The following SPG11 variants were observed in gnomAD, a reference collection of about 807,000 sequenced individuals.
SPG11 encodes the protein spatacsin.
SPG11 carries 222 observed loss-of-function variants against 274.0 expected under a neutral mutation model. That is an observed-to-expected ratio of 0.81 (90% CI 0.73 to 0.91). The LOEUF is 0.91. Ranked by LOEUF, SPG11 falls within the 40% of genes least tolerant of loss-of-function variation. SPG11 has a pLI of 0.00. For missense variants in SPG11, 3,114 were observed against 2,872.7 expected (o/e 1.08, Z -1.92); for synonymous variants, 1,144 against 1,039.7 (o/e 1.10, Z -1.93).
chr15:44,648,888 G>A lies in SPG11; in HGVS notation c.1580C>T (p.Ser527Leu), dbSNP rs1440947266. ...LCHLNGWGRC[S>L]IPIHALEAGI... Reference sequence around the variant, plus strand: ...TACCTCTAGTGCATGTATGGGAATTGAGCACCTTCCCCAGCCATTGAGATG... The same window carrying A: ...TACCTCTAGTGCATGTATGGGAATTAAGCACCTTCCCCAGCCATTGAGATG... The change falls in exon 7 of 40, where the codon TCA becomes TTA. Residue 527 changes from serine to leucine, a missense_variant. Transcript: ENST00000261866. 6.2e-7 allele frequency: 1 copy of A among 1,614,082 alleles called. No homozygotes were observed.
At chr15:44,591,366 T>G (rs76194678) in intron 27 of SPG11, among the ~76,000 whole-genome samples, 1,775 of 152,336 alleles carry the variant, frequency 0.012, 29 homozygotes, top group East Asian at 0.038. Flanking sequence ...ATTTCTCTTC[T>G]TGATTCTTTA....
intron 33 of SPG11, among the ~76,000 whole-genome samples, chr15:44,571,956 T>G (rs1185241405): frequency 6.6e-6 from 1 of 152,232 alleles, no homozygotes; most frequent in Non-Finnish European, 1.5e-5. Flanking sequence ...CATGCCCCGC[T>G]AAGTTTTTAA....
chr15:44,578,530 T>C (rs2082593525), intron 30 of SPG11, among the ~76,000 whole-genome samples: 2 of 152,104 alleles, frequency 1.3e-5, no homozygotes, highest in South Asian at 4.1e-4. Flanking sequence ...AAAAACTAGC[T>C]GGGAGAGCCC....
At position 44,659,112 on chromosome 15, in the gene SPG11, T is replaced by C. The variant is rs758638438; in HGVS notation, c.634A>G (p.Ile212Val). ...MIIDTQLCRG[I>V]LFVLSSLGWI... is the part of the protein sequence containing the mutation. ...CCTAAACTACTCAAAACAAAAAGAATTCCTCTGCAGAGCTGCGTGTCAATA... is the reference window on the plus strand; with the variant it reads ...CCTAAACTACTCAAAACAAAAAGAACTCCTCTGCAGAGCTGCGTGTCAATA... The change falls in exon 3 of 40, where the codon ATT (isoleucine) becomes GTT (valine). Residue 212 changes from isoleucine (I) to valine (V), a missense_variant. Ile to Val is a conservative substitution (Grantham distance 29). Transcript: ENST00000261866. 6.1e-5 allele frequency: 99 copies of C among 1,614,076 alleles called. No homozygotes were observed. Among genetic ancestry groups the C allele is most frequent in the Admixed American group, 1.0e-4 (6 of 60,010 alleles).
rs997258691 is a variant in SPG11 at position 44,562,805 on chromosome 15, C to T, written c.*316G>A. On this transcript the variant is annotated 3_prime_UTR_variant, in exon 40 of 40. Transcript: ENST00000261866. Reference sequence around the variant, plus strand: ...AATTAAATTTCTTTGAAACTGGAATCTGCAGGTACAGGTATTCTTTAATCA... The same window carrying T: ...AATTAAATTTCTTTGAAACTGGAATTTGCAGGTACAGGTATTCTTTAATCA... 3.8e-6 allele frequency: 1 copy of T among 265,778 alleles called. No homozygotes were observed. The highest frequency in any genetic ancestry group is 7.3e-6 in the Non-Finnish European group (1 of 137,898). 16.5% of individuals were successfully genotyped at this position (265,778 alleles called of 1,614,324 possible).
intron 17 of SPG11, 82 bp from the exon 18 acceptor site, chr15:44,611,067 A>G: frequency 1.7e-6 from 2 of 1,179,426 alleles, no homozygotes; most frequent in Non-Finnish European, 2.4e-6. Context: ...GAACAATAAC[A>G]TAAATTTTTA....
chr15:44,567,668 G>A (rs1339430987), intron 35 of SPG11, 76 bp from the exon 36 acceptor site: 1 of 1,494,598 alleles, frequency 6.7e-7, no homozygotes, highest in Non-Finnish European at 9.3e-7. Flanking sequence ...GAGTCACCTT[G>A]TTCTGCATTC....
At position 44,663,599 on chromosome 15, in the gene SPG11, A is replaced by G. The variant is rs2085190647; in HGVS notation, c.49T>C (p.Trp17Arg). 2 of 1,596,572 alleles carry G rather than the reference A, an allele frequency of 1.3e-6. No homozygotes were observed. The highest frequency in any genetic ancestry group is 1.7e-6 in the Non-Finnish European group (2 of 1,175,082). The part of the protein sequence containing the change: ...VASAASAGGS[W>R]GTAAMGRVLP... ...ACCCGCCCCATGGCCGCGGTGCCCC[A>G]GCTACCGCCGGCGGAAGCAGCACTC... The change falls in exon 1 of 40, where the codon TGG becomes CGG. Residue 17 changes from tryptophan to arginine, a missense_variant. Trp to Arg is a moderately radical substitution (Grantham distance 101, BLOSUM62 -3). Transcript: ENST00000261866.
intron 19 of SPG11, among the ~76,000 whole-genome samples, chr15:44,606,784 G>C (rs1417760140): frequency 6.6e-6 from 1 of 152,010 alleles, no homozygotes; most frequent in Non-Finnish European, 1.5e-5. Context: ...TATTAAAGAA[G>C]GAATACTTTT....
chr15:44,629,878 C>T (rs1249371435), intron 8 of SPG11, among the ~76,000 whole-genome samples: 3 of 152,036 alleles, frequency 2.0e-5, no homozygotes, highest in Non-Finnish European at 4.4e-5. Flanking sequence ...CGAGACCAGC[C>T]TGGCCAACAT....
chr15:44,649,103 T>C lies in SPG11; in HGVS notation c.1457-92A>G. 11 of 893,022 alleles carry C rather than the reference T, an allele frequency of 1.2e-5. No individual in the cohort carries two copies. The South Asian group carries it at 1.5e-4, about 12-fold the overall frequency. The allele number at this position is 893,022 out of a possible 1,614,324, so 55.3% of individuals were successfully genotyped here. On this transcript the variant is annotated intron_variant, in intron 6 of 39. Transcript: ENST00000261866. ...GATTTTTAATTACTCAATACTTCAG[T>C]ACTATAATTACAAATATATTTATAT...
intron 36 of SPG11, 118 bp downstream of exon 36, chr15:44,567,306 G>A (rs957050734): frequency 1.6e-5 from 17 of 1,091,302 alleles, no homozygotes; most frequent in African/African-American, 4.8e-5. Flanking sequence ...AGCTGAGATC[G>A]TGCCACTGCA....
chr15:44,564,632 T>C lies in SPG11; in HGVS notation c.7066A>G (p.Ile2356Val). 1 of 1,614,022 alleles carries C rather than the reference T, an allele frequency of 6.2e-7. No individual in the cohort carries two copies. The highest frequency in any genetic ancestry group is 1.1e-5 in the South Asian group (1 of 91,086). The change falls in exon 39 of 40, where the codon ATT becomes GTT. Residue 2356 changes from isoleucine (I) to valine (V), a missense_variant. By Grantham distance (29) the Ile-to-Val change is conservative. Transcript: ENST00000261866. ...AAGTAATTAAAGTCTCCTTTAAGAA[T>C]CACTTGCTGGTATAAAATTTCAGCC... is the stretch of plus-strand genomic sequence containing the variant. The part of the protein sequence containing the change: ...DWAEILYQQV[I>V]LKGDFNYLEE...
intron 10 of SPG11, among the ~76,000 whole-genome samples, chr15:44,626,719 C>T (rs1378445973): frequency 6.6e-6 from 1 of 152,046 alleles, no homozygotes; most frequent in African/African-American, 2.4e-5. Flanking sequence ...GATTATAGTA[C>T]TGTATGATAA....
At chr15:44,613,621 A>AT in intron 16 of SPG11, 85 bp from the exon 17 acceptor site, 1 of 817,302 alleles carries the variant, frequency 1.2e-6, no homozygotes, top group Non-Finnish European at 2.0e-6. Flanking sequence ...GATGATTAGC[A>AT]TTTAAAAAAA....
Position 44,566,234 on chromosome 15 carries a change from C to A in SPG11, c.6826G>T (p.Ala2276Ser), listed in dbSNP as rs754116626. The A allele has an allele frequency of 1.2e-6, 2 of 1,614,174 alleles. No individual in the cohort carries two copies. Among genetic ancestry groups the A allele is most frequent in the Non-Finnish European group, 1.7e-6 (2 of 1,180,004 alleles). The stretch of plus-strand genomic sequence containing the variant: ...TGGGTTACCTTGGCATAACTCTCTG[C>A]TGCATCCAACATCAGAGTCAGGGCC... ...LKALTLMLDA[A>S]ESYAKDSCVR... Residue 2276 changes from alanine (A) to serine (S), a missense_variant, in exon 37 of 40, where the codon GCA becomes TCA. Coordinates refer to ENST00000261866, the MANE Select transcript of SPG11 (RefSeq NM_025137.4).
At position 44,635,927 on chromosome 15, in the gene SPG11, A is replaced by G. The variant is rs974286641; in HGVS notation, c.1603-2290T>C. Among the ~76,000 whole-genome samples the G allele has an allele frequency of 3.9e-5, 6 of 151,960 alleles. 1 individual carries two copies. The highest frequency in any genetic ancestry group is 4.1e-4 in the South Asian group (2 of 4,824). Reference sequence around the variant, plus strand: ...GTGAGACTCCACCTATAAAAAAAAAAAAAGAAAGAAAAATTTGCCACCCTT... The same window carrying G: ...GTGAGACTCCACCTATAAAAAAAAAGAAAGAAAGAAAAATTTGCCACCCTT... On this transcript the variant is annotated intron_variant, in intron 7 of 39. Coordinates refer to ENST00000261866, the MANE Select transcript of SPG11 (RefSeq NM_025137.4).
At chr15:44,598,585 G>A (rs373605179) in intron 22 of SPG11, 46 bp downstream of exon 22, 5 of 1,574,312 alleles carry the variant, frequency 3.2e-6, no homozygotes, top group Non-Finnish European at 4.4e-6. Context: ...CTTAGACCTC[G>A]TCACACCTTC....
chr15:44,652,521 A>C (rs532192609), intron 4 of SPG11, among the ~76,000 whole-genome samples: 1 of 152,306 alleles, frequency 6.6e-6, no homozygotes, highest in South Asian at 2.1e-4. Flanking sequence ...ATGTTATGCT[A>C]AACACTTCAC....
Sources: allele counts gnomAD v4.1 joint callset (sites outside exome capture counted in the v4.1 genomes callset), GRCh38; gene constraint gnomAD v4.1.1; transcripts MANE v1.5; gene names NCBI Gene and HGNC (gene_info 2026-07-23, HGNC 2026-07-21).